TAFA1: variants seen among roughly 807,000 people sequenced by gnomAD.
TAFA1 encodes the protein TAFA chemokine like family member 1, also known as chemokine-like protein TAFA-1.
TAFA1 carries 4 observed loss-of-function variants against 18.5 expected under a neutral mutation model. That is an observed-to-expected ratio of 0.22 (90% confidence interval 0.11 to 0.49). The LOEUF (loss-of-function observed/expected upper bound fraction) is 0.49. Ranked by LOEUF, TAFA1 falls within the 20% of genes least tolerant of loss-of-function variation. TAFA1 has a pLI of 0.98. For missense variants in TAFA1, 147 were observed against 169.0 expected (o/e 0.87, Z 0.72); for synonymous variants, 56 against 55.2 (o/e 1.01, Z -0.06).
Position 68,091,614 on chromosome 3 carries a change from C to T in TAFA1, c.118+84870C>T, listed in dbSNP as rs139015895. Among the ~76,000 whole-genome samples the T allele has an allele frequency of 3.7e-3, 566 of 152,046 alleles. 5 individuals carry two copies. The highest frequency in any genetic ancestry group is 0.013 in the African/African-American group (530 of 41,478). ...ACAGATCAAAATCAAGCAAGCAGAT[C>T]AATGAATTATATACTCATTAATTTT... On this transcript the variant is annotated intron_variant, in intron 2 of 4. Transcript: ENST00000478136.
intron 3 of TAFA1, among the ~76,000 whole-genome samples, chr3:68,519,881 A>G (rs1157127655): frequency 6.6e-6 from 1 of 152,190 alleles, no homozygotes; most frequent in Non-Finnish European, 1.5e-5. Flanking sequence ...CGATTTTGGG[A>G]GGACACAAAC....
intron 2 of TAFA1, among the ~76,000 whole-genome samples, chr3:68,416,621 A>T (rs1483422122): frequency 6.6e-6 from 1 of 152,210 alleles, no homozygotes; most frequent in East Asian, 1.9e-4. Context: ...AGAGTGACAT[A>T]CATTAGTTTG....
chr3:68,466,271 C>T (rs1474746997), intron 3 of TAFA1, among the ~76,000 whole-genome samples: 1 of 152,102 alleles, frequency 6.6e-6, no homozygotes, highest in Non-Finnish European at 1.5e-5. Flanking sequence ...ATCTGTTGCT[C>T]TAATTTCCAG....
chr3:68,032,946 C>T (rs1704969113), intron 2 of TAFA1, among the ~76,000 whole-genome samples: 1 of 152,126 alleles, frequency 6.6e-6, no homozygotes, highest in African/African-American at 2.4e-5. Flanking sequence ...TCGTCACCTC[C>T]CAATTCCTCA....
intron 2 of TAFA1, among the ~76,000 whole-genome samples, chr3:68,068,625 A>G (rs1419459169): frequency 6.6e-6 from 1 of 152,236 alleles, no homozygotes; most frequent in Non-Finnish European, 1.5e-5. Flanking sequence ...CCGAGAGAAC[A>G]TGGAACTGGA....
chr3:68,395,419 G>T (rs908640268), intron 2 of TAFA1, among the ~76,000 whole-genome samples: 5 of 152,106 alleles, frequency 3.3e-5, no homozygotes, highest in South Asian at 2.1e-4. Context: ...AATACCATTT[G>T]ACCCAGCAAT....
chr3:68,075,836 A>G (rs2064816568), intron 2 of TAFA1, among the ~76,000 whole-genome samples: 1 of 151,888 alleles, frequency 6.6e-6, no homozygotes, highest in African/African-American at 2.4e-5. Context: ...GGCTGGGACT[A>G]CAGGCACATG....
intron 3 of TAFA1, among the ~76,000 whole-genome samples, chr3:68,450,116 G>T (rs2071547419): frequency 6.6e-6 from 1 of 152,162 alleles, no homozygotes; most frequent in Non-Finnish European, 1.5e-5. Context: ...TAGTCCTGAG[G>T]ATGGAAAGAA....
intron 2 of TAFA1, among the ~76,000 whole-genome samples, chr3:68,266,345 G>A (rs1176023135): frequency 2.0e-5 from 3 of 152,120 alleles, no homozygotes; most frequent in Admixed American, 6.6e-5. Context: ...TGTATCACAA[G>A]GGTTGTGAAG....
At chr3:68,544,386 C>G in intron 4 of TAFA1, 100 bp from the exon 5 acceptor site, 1 of 1,223,502 alleles carries the variant, frequency 8.2e-7, no homozygotes, top group Middle Eastern at 1.9e-4. Context: ...AAGCAACATC[C>G]TAAAGATTCA....
At chr3:68,199,303 G>C (rs987720944) in intron 2 of TAFA1, among the ~76,000 whole-genome samples, 4 of 151,378 alleles carry the variant, frequency 2.6e-5, no homozygotes, top group Admixed American at 2.6e-4. Context: ...TCAGTCTTTC[G>C]ACTTTATTTT....
At chr3:68,213,299 T>C (rs2066617287) in intron 2 of TAFA1, among the ~76,000 whole-genome samples, 1 of 152,094 alleles carries the variant, frequency 6.6e-6, no homozygotes, top group Non-Finnish European at 1.5e-5. Context: ...ATTTAAGACA[T>C]AGCACCCAGA....
chr3:68,282,955 C>T (rs1459832123), intron 2 of TAFA1, among the ~76,000 whole-genome samples: 3 of 152,056 alleles, frequency 2.0e-5, no homozygotes, highest in Non-Finnish European at 1.5e-5. Flanking sequence ...GTTTGGGGTA[C>T]ATATCTTAAA....
intron 2 of TAFA1, among the ~76,000 whole-genome samples, chr3:68,388,282 A>G (rs971318129): frequency 6.6e-6 from 1 of 152,178 alleles, no homozygotes; most frequent in African/African-American, 2.4e-5. Context: ...GTATAGATCT[A>G]AAGAAAAAAG....
chr3:68,445,670 C>T (rs1275850639), intron 3 of TAFA1, among the ~76,000 whole-genome samples: 1 of 152,026 alleles, frequency 6.6e-6, no homozygotes, highest in African/African-American at 2.4e-5. Context: ...TATTAGCATG[C>T]ATCAGAATCA....
intron 2 of TAFA1, among the ~76,000 whole-genome samples, chr3:68,353,270 T>C (rs983542480): frequency 1.3e-5 from 2 of 152,096 alleles, no homozygotes; most frequent in African/African-American, 4.8e-5. Flanking sequence ...AAGGAGTCTG[T>C]AGCTTTTGTT....
intron 2 of TAFA1, among the ~76,000 whole-genome samples, chr3:68,116,537 C>T (rs951672533): frequency 2.0e-5 from 3 of 152,116 alleles, no homozygotes; most frequent in African/African-American, 7.2e-5. Context: ...TATTCCCAAC[C>T]ATAGTTATAG....
intron 3 of TAFA1, among the ~76,000 whole-genome samples, chr3:68,466,596 C>T (rs1171549466): frequency 1.3e-5 from 2 of 152,110 alleles, no homozygotes; most frequent in Non-Finnish European, 2.9e-5. Flanking sequence ...AAATCTTGAG[C>T]CCTCCCAGTT....
intron 3 of TAFA1, among the ~76,000 whole-genome samples, chr3:68,470,397 A>G (rs1193599357): frequency 6.6e-6 from 1 of 152,236 alleles, no homozygotes; most frequent in East Asian, 1.9e-4. Context: ...CTAATTTGGA[A>G]CTGGGTAACA....
Sources: allele counts gnomAD v4.1 joint callset (sites outside exome capture counted in the v4.1 genomes callset), GRCh38; gene constraint gnomAD v4.1.1; transcripts MANE v1.5; gene names NCBI Gene and HGNC (gene_info 2026-07-23, HGNC 2026-07-21).